Variants in GRIA1 observed in about 807,000 individuals in gnomAD.
The protein encoded by GRIA1 is glutamate receptor 1.
In GRIA1, 31 loss-of-function variants were observed where a neutral mutation model predicts 99.2. The ratio of observed to expected loss-of-function variants is 0.31; its 90% CI spans 0.23 to 0.42. GRIA1 has a LOEUF of 0.42. Ranked by LOEUF, GRIA1 falls within the 10% of genes least tolerant of loss-of-function variation. GRIA1 has a pLI of 1.00. For synonymous variants in GRIA1, 438 were observed against 432.4 expected, an observed-to-expected ratio of 1.01 and a Z score of -0.16; for missense variants, 782 against 1,157.5, an observed-to-expected ratio of 0.68 and a Z score of 4.71.
At chr5:153,509,713 T>C (rs1755875975) in intron 2 of GRIA1, among the ~76,000 whole-genome samples, 1 of 152,228 alleles carries the variant, frequency 6.6e-6, no homozygotes, top group Non-Finnish European at 1.5e-5. Flanking sequence ...TTGGTTTTTA[T>C]TTATAAAGTG....
At chr5:153,766,477 A>G (rs1213532881) in intron 12 of GRIA1, among the ~76,000 whole-genome samples, 3 of 152,158 alleles carry the variant, frequency 2.0e-5, no homozygotes, top group East Asian at 1.9e-4. Flanking sequence ...TTTTGCACCT[A>G]TGGTTTCATT....
At chr5:153,666,379 T>C (rs1478469218) in intron 5 of GRIA1, among the ~76,000 whole-genome samples, 10 of 152,182 alleles carry the variant, frequency 6.6e-5, no homozygotes. Context: ...AATAAAGTGC[T>C]GTGTGGTTCA....
intron 5 of GRIA1, among the ~76,000 whole-genome samples, chr5:153,668,589 G>C (rs1755919503): frequency 6.6e-6 from 1 of 152,150 alleles, no homozygotes; most frequent in Non-Finnish European, 1.5e-5. Context: ...GAGCTGACTA[G>C]TTGTGACAAG....
intron 1 of GRIA1, 77 bp downstream of exon 1, chr5:153,491,047 C>A: frequency 7.5e-7 from 1 of 1,336,098 alleles, no homozygotes; most frequent in Non-Finnish European, 1.1e-6. Context: ...GTTGTGTACC[C>A]CCTCCCCGGT....
At chr5:153,691,784 C>T (rs369526109) in intron 8 of GRIA1, among the ~76,000 whole-genome samples, 2 of 152,194 alleles carry the variant, frequency 1.3e-5, no homozygotes, top group African/African-American at 4.8e-5. Flanking sequence ...ATCTTCCACA[C>T]ACCACACAGT....
chr5:153,580,404 T>G (rs1411689879), intron 2 of GRIA1, among the ~76,000 whole-genome samples: 1 of 152,306 alleles, frequency 6.6e-6, no homozygotes, highest in Non-Finnish European at 1.5e-5. Flanking sequence ...ACACATTATC[T>G]TGGCCAATTT....
intron 8 of GRIA1, among the ~76,000 whole-genome samples, chr5:153,695,986 A>C (rs1022754883): frequency 6.6e-6 from 1 of 152,212 alleles, no homozygotes; most frequent in Non-Finnish European, 1.5e-5. Flanking sequence ...AGTCTTGTCC[A>C]TGAGAAACTC....
chr5:153,624,216 G>A (rs1455833741), intron 2 of GRIA1, among the ~76,000 whole-genome samples: 1 of 152,170 alleles, frequency 6.6e-6, no homozygotes, highest in East Asian at 1.9e-4. Flanking sequence ...CTCCCCAAAA[G>A]TCCCAAGGTC....
At chr5:153,767,757 A>G (rs1171371061) in intron 12 of GRIA1, among the ~76,000 whole-genome samples, 2 of 152,180 alleles carry the variant, frequency 1.3e-5, no homozygotes, top group Non-Finnish European at 2.9e-5. Flanking sequence ...CTCCATCGAC[A>G]GTTTAATTAA....
At chr5:153,655,784 A>G in intron 4 of GRIA1, 35 bp from the exon 5 acceptor site, 1 of 1,588,138 alleles carries the variant, frequency 6.3e-7, no homozygotes, top group Non-Finnish European at 8.6e-7. Context: ...AACTGTTAGT[A>G]TGATTAATGA....
At chr5:153,576,260 T>A (rs1453968067) in intron 2 of GRIA1, among the ~76,000 whole-genome samples, 1 of 152,136 alleles carries the variant, frequency 6.6e-6, no homozygotes, top group East Asian at 1.9e-4. Context: ...TTTTAAGAGC[T>A]TAGAGAAAAG....
intron 11 of GRIA1, among the ~76,000 whole-genome samples, chr5:153,745,589 C>CAAAAAAAAAAAAAAAAAA (rs58166158): frequency 9.9e-6 from 1 of 100,908 alleles, no homozygotes; most frequent in Non-Finnish European, 2.0e-5. Context: ...AACTCTGTCT[C>CAAAAAAAAAAAAAAAAAA]AAAAAAAAAA....
At chr5:153,736,481 A>G (rs1761387289) in intron 11 of GRIA1, among the ~76,000 whole-genome samples, 1 of 152,218 alleles carries the variant, frequency 6.6e-6, no homozygotes, top group Non-Finnish European at 1.5e-5. Flanking sequence ...TATAAGCAAG[A>G]TGTGATTAAA....
At chr5:153,669,684 G>T (rs1756008506) in intron 5 of GRIA1, among the ~76,000 whole-genome samples, 1 of 152,056 alleles carries the variant, frequency 6.6e-6, no homozygotes, top group Admixed American at 6.5e-5. Flanking sequence ...AAAGATAAAT[G>T]CCCATTCTTT....
chr5:153,511,866 A>G (rs924544509), intron 2 of GRIA1, among the ~76,000 whole-genome samples: 4 of 152,174 alleles, frequency 2.6e-5, no homozygotes, highest in Admixed American at 6.5e-5. Context: ...GCACTTGCCA[A>G]ATTGGCTCAG....
intron 15 of GRIA1, among the ~76,000 whole-genome samples, chr5:153,810,371 G>A (rs999036005): frequency 6.6e-6 from 1 of 152,188 alleles, no homozygotes; most frequent in African/African-American, 2.4e-5. Flanking sequence ...ATTCAAACGA[G>A]TCCTACATTC....
intron 14 of GRIA1, among the ~76,000 whole-genome samples, chr5:153,798,401 G>A (rs1039882266): frequency 1.6e-4 from 24 of 152,338 alleles, no homozygotes; most frequent in African/African-American, 5.5e-4. Context: ...GCCCTAAAAG[G>A]CTAAGTCAGA....
chr5:153,652,171 G>A (rs1388002716), intron 4 of GRIA1, among the ~76,000 whole-genome samples: 5 of 152,116 alleles, frequency 3.3e-5, no homozygotes, highest in Non-Finnish European at 7.4e-5. Context: ...TTGGGCATAA[G>A]TGAATCCATC....
In GRIA1 at chr5:153,706,079, C is replaced by T. The variant is rs780859036; in HGVS notation, c.1823+12C>T. 23 of 1,612,440 alleles carry T rather than the reference C, an allele frequency of 1.4e-5. No individual in the cohort carries two copies. Among genetic ancestry groups the T allele is most frequent in the Non-Finnish European group, 1.9e-5 (22 of 1,179,092 alleles). ...GACATTTCTCCCAGGTCAGTCAGCT[C>T]TTCTCAATCCCTTTGCCTAATGCTA... On this transcript the variant is annotated intron_variant, in intron 11 of 15. Transcript: ENST00000285900.
Sources: allele counts gnomAD v4.1 joint callset (sites outside exome capture counted in the v4.1 genomes callset), GRCh38; gene constraint gnomAD v4.1.1; transcripts MANE v1.5; gene names NCBI Gene and HGNC (gene_info 2026-07-23, HGNC 2026-07-21).